PHC3: variants seen among roughly 807,000 people sequenced by gnomAD.
The protein encoded by PHC3 is polyhomeotic homolog 3.
In PHC3, 13 loss-of-function variants were observed where a neutral mutation model predicts 107.4. That is an observed-to-expected ratio of 0.12 (90% CI 0.08 to 0.19). PHC3 has a LOEUF of 0.19. PHC3 is among the 10% of genes least tolerant of loss of function. The pLI, the probability that PHC3 is intolerant of heterozygous loss-of-function variation, is 1.00. For synonymous variants in PHC3, 456 were observed against 427.4 expected, an observed-to-expected ratio of 1.07 and a Z score of -0.83; for missense variants, 992 against 1,210.9, an observed-to-expected ratio of 0.82 and a Z score of 2.68.
intron 2 of PHC3, among the ~76,000 whole-genome samples, chr3:170,173,808 T>A (rs1443590700): frequency 3.3e-5 from 5 of 152,310 alleles, no homozygotes; most frequent in African/African-American, 1.2e-4. Flanking sequence ...GATGGGTAGC[T>A]AGATTAGAGG....
At chr3:170,146,374 C>CAA (rs1257938749) in intron 5 of PHC3, among the ~76,000 whole-genome samples, 1 of 97,544 alleles carries the variant, frequency 1.0e-5, no homozygotes, top group Non-Finnish European at 2.1e-5. Flanking sequence ...GACTCCATCT[C>CAA]AAAAAAAAAA....
intron 4 of PHC3, among the ~76,000 whole-genome samples, chr3:170,155,901 C>G (rs1348173624): frequency 6.6e-6 from 1 of 151,894 alleles, no homozygotes; most frequent in African/African-American, 2.4e-5. Context: ...GAGTAAAATC[C>G]GGGATTACTT....
At chr3:170,134,417 C>T (rs1481946211) in intron 7 of PHC3, among the ~76,000 whole-genome samples, 1 of 151,982 alleles carries the variant, frequency 6.6e-6, no homozygotes, top group South Asian at 2.1e-4. Context: ...CTAGAACTCC[C>T]GACCTGAGGT....
intron 1 of PHC3, 41 bp downstream of exon 1, chr3:170,181,661 C>T: frequency 1.2e-6 from 2 of 1,612,470 alleles, no homozygotes; most frequent in Non-Finnish European, 1.7e-6. Flanking sequence ...CCCCAACTCG[C>T]CCCCCCTAGT....
Position 170,090,326 on chromosome 3 carries a change from A to C in PHC3, c.*6904T>G, listed in dbSNP as rs10936611. On this transcript the variant is annotated 3_prime_UTR_variant, in exon 15 of 15. Coordinates refer to ENST00000495893, the MANE Select transcript of PHC3 (RefSeq NM_024947.4). The stretch of plus-strand genomic sequence containing the variant: ...AGTAGTAATGATTATGTTCATATTT[A>C]TTTAAGCCACAATGAATTTTGGGGG... The C allele has an allele frequency of 0.24, 36,383 of 152,138 alleles. 5,324 individuals are homozygous for C. The highest frequency in any genetic ancestry group is 0.4 in the South Asian group (1,922 of 4,822). The allele number at this position is 152,138 out of a possible 1,614,324, so 9.4% of individuals were successfully genotyped here.
chr3:170,134,022 G>C (rs1722663198), intron 7 of PHC3, among the ~76,000 whole-genome samples: 1 of 151,884 alleles, frequency 6.6e-6, no homozygotes, highest in Non-Finnish European at 1.5e-5. Flanking sequence ...AGGACCATGG[G>C]TCACCATTGC....
intron 12 of PHC3, among the ~76,000 whole-genome samples, chr3:170,103,568 T>G (rs866164268): frequency 1.3e-5 from 2 of 152,248 alleles, no homozygotes; most frequent in African/African-American, 4.8e-5. Flanking sequence ...TTTTTGAACA[T>G]AGACCTTTAT....
intron 3 of PHC3, among the ~76,000 whole-genome samples, chr3:170,172,274 T>C (rs1577267804): frequency 1.3e-5 from 2 of 152,186 alleles, no homozygotes; most frequent in African/African-American, 4.8e-5. Context: ...TAAGCCTAAG[T>C]ACTCACTGTT....
rs556748630 is a variant in PHC3 at position 170,089,345 on chromosome 3, A to G, written c.*7885T>C. The G allele has an allele frequency of 6.6e-6, 1 of 152,274 alleles. No individual in the cohort carries two copies. The highest frequency in any genetic ancestry group is 2.1e-4 in the South Asian group (1 of 4,822). 9.4% of individuals were successfully genotyped at this position (152,274 alleles called of 1,614,324 possible). ...CAAGGAAGGGACCTTAACCCAATAA[A>G]TGATTCTCCCATTCAATGTTTACCC... On this transcript the variant is annotated 3_prime_UTR_variant, in exon 15 of 15. Transcript: ENST00000495893.
intron 12 of PHC3, among the ~76,000 whole-genome samples, chr3:170,105,961 C>G (rs1716419965): frequency 6.6e-6 from 1 of 152,154 alleles, no homozygotes; most frequent in Non-Finnish European, 1.5e-5. Context: ...CACGTAATCC[C>G]AGCACTTTGG....
At chr3:170,105,991 C>T (rs568879269) in intron 12 of PHC3, among the ~76,000 whole-genome samples, 2 of 152,326 alleles carry the variant, frequency 1.3e-5, no homozygotes, top group East Asian at 3.9e-4. Flanking sequence ...GCGGGCAGAT[C>T]ACCTGAGGTC....
Position 170,088,407 on chromosome 3 carries a change from T to G in PHC3, c.*8823A>C, listed in dbSNP as rs1713714907. On this transcript the variant is annotated 3_prime_UTR_variant, in exon 15 of 15. Transcript: ENST00000495893. Reference sequence around the variant, plus strand: ...GACAAAAAGTACTAATTTAAAAGGCTTGAAATGCCTGCCACCATTGTCAGT... The same window carrying G: ...GACAAAAAGTACTAATTTAAAAGGCGTGAAATGCCTGCCACCATTGTCAGT... 1 of 152,214 alleles carries G rather than the reference T, an allele frequency of 6.6e-6. No homozygotes were observed. The highest frequency in any genetic ancestry group is 2.4e-5 in the African/African-American group (1 of 41,460). 9.4% of individuals were successfully genotyped at this position (152,214 alleles called of 1,614,324 possible).
chr3:170,096,963 C>G lies in PHC3; in HGVS notation c.*267G>C, dbSNP rs1714711970. ...AAAAATTATCTAGTATAACACATTT[C>G]TTTGAAAAATATCATGGCCCTCTGT... On this transcript the variant is annotated 3_prime_UTR_variant, in exon 15 of 15. Coordinates refer to ENST00000495893, the MANE Select transcript of PHC3 (RefSeq NM_024947.4). 1 of 282,250 alleles carries G rather than the reference C, an allele frequency of 3.5e-6. No individual in the cohort carries two copies. Among genetic ancestry groups the G allele is most frequent in the South Asian group, 1.6e-4 (1 of 6,418 alleles). The allele number at this position is 282,250 out of a possible 1,614,324, so 17.5% of individuals were successfully genotyped here.
rs1713847376 is a variant in PHC3 at position 170,089,453 on chromosome 3, T to C, written c.*7777A>G. 6.6e-6 allele frequency: 1 copy of C among 152,236 alleles called. No homozygotes were observed. 9.4% of individuals were successfully genotyped at this position (152,236 alleles called of 1,614,324 possible). On this transcript the variant is annotated 3_prime_UTR_variant, in exon 15 of 15. Coordinates refer to ENST00000495893, the MANE Select transcript of PHC3 (RefSeq NM_024947.4). ...AAAGGATGCCCTTTTACTATATATG[T>C]GCTTTCTAGAATATTACTGATTCTT...
At chr3:170,110,877 AG>A in intron 11 of PHC3, among the ~76,000 whole-genome samples, 1 of 152,322 alleles carries the variant, frequency 6.6e-6, no homozygotes, top group African/African-American at 2.4e-5. Context: ...TTTTTAGCCT[AG>A]AACTTTCATT....
At chr3:170,102,442 A>G (rs1357823922) in intron 14 of PHC3, 37 bp downstream of exon 14, 3 of 1,595,318 alleles carry the variant, frequency 1.9e-6, no homozygotes, top group South Asian at 1.1e-5. Flanking sequence ...GTGAATGCAC[A>G]AGAAAAATAT....
intron 2 of PHC3, chr3:170,177,048 T>A (rs1730592994): frequency 6.0e-6 from 2 of 331,396 alleles, no homozygotes; most frequent in African/African-American, 4.3e-5. Context: ...TAAACTTTAC[T>A]TTCTCAACTA....
chr3:170,159,716 T>A (rs1727553807), intron 4 of PHC3, among the ~76,000 whole-genome samples: 1 of 152,086 alleles, frequency 6.6e-6, no homozygotes, highest in Non-Finnish European at 1.5e-5. Flanking sequence ...CTAGACACAT[T>A]GCCATGAAAC....
chr3:170,165,897 G>A (rs1191737804), intron 4 of PHC3, among the ~76,000 whole-genome samples: 1 of 150,432 alleles, frequency 6.6e-6, no homozygotes, highest in African/African-American at 2.4e-5. Context: ...GAGCCCAAGT[G>A]TTGGAGGCCG....
Sources: gnomAD v4.1 joint callset for allele counts (sites outside exome capture counted in the v4.1 genomes callset) on GRCh38, gnomAD v4.1.1 for gene constraint, MANE v1.5 for transcripts, NCBI Gene and HGNC (gene_info 2026-07-23, HGNC 2026-07-21) for gene names.